The following RYR2 variants were observed in gnomAD, a reference collection of about 807,000 sequenced individuals.
The protein encoded by RYR2 is cardiac muscle ryanodine receptor-calcium release channel.
In RYR2, 227 loss-of-function variants were observed where a neutral mutation model predicts 601.1. That is an observed-to-expected ratio of 0.38 (90% CI 0.34 to 0.42). The LOEUF (loss-of-function observed/expected upper bound fraction) is 0.42. Among genes scored for constraint, RYR2 ranks in the 10% least tolerant of loss-of-function variants. The pLI, the probability that RYR2 is intolerant of heterozygous loss-of-function variation, is 1.00. For missense variants in RYR2, 4,646 were observed against 6,156.5 expected (o/e 0.75, Z 8.21); for synonymous variants, 2,223 against 2,175.1 (o/e 1.02, Z -0.61).
At position 237,548,514 on chromosome 1, in the gene RYR2, AC is replaced by A; in HGVS notation, c.2991del (p.Asp997GlufsTer28). 6.2e-7 allele frequency: 1 copy of A among 1,614,028 alleles called. No individual in the cohort carries two copies. Among genetic ancestry groups the A allele is most frequent in the Non-Finnish European group, 8.5e-7 (1 of 1,179,890 alleles). On this transcript the variant is annotated frameshift_variant, in exon 26 of 105. Coordinates refer to ENST00000366574, the MANE Select transcript of RYR2 (RefSeq NM_001035.3). LOFTEE classifies it high-confidence loss of function. ...KLTPSQEAMV[D>X]KLAENAHNVW... ...ACCCCATCACAAGAAGCAATGGTGGACAAGTTGGCAGAAAATGCACATAATG... is the reference window on the plus strand; with the variant it reads ...ACCCCATCACAAGAAGCAATGGTGGAAAGTTGGCAGAAAATGCACATAATG...
chr1:237,530,683 G>A (rs1296028403), intron 25 of RYR2, among the ~76,000 whole-genome samples, 173 bp downstream of exon 25: 1 of 152,186 alleles, frequency 6.6e-6, no homozygotes, highest in Non-Finnish European at 1.5e-5. Context: ...GCCAAGGCAG[G>A]TGGATCACCT....
chr1:237,631,613 A>AT (rs556269614), intron 42 of RYR2, 72 bp downstream of exon 42: 11,510 of 207,322 alleles, frequency 0.056, 1,992 homozygotes, highest in Admixed American at 0.098. Context: ...TAGAATGCAG[A>AT]TTTTTTTTTT....
At chr1:237,487,453 C>T (rs1408895297) in intron 17 of RYR2, among the ~76,000 whole-genome samples, 2 of 150,726 alleles carry the variant, frequency 1.3e-5, no homozygotes, top group Non-Finnish European at 2.9e-5. Flanking sequence ...TGCTGTGTCT[C>T]GCAACTATAA....
intron 1 of RYR2, among the ~76,000 whole-genome samples, chr1:237,067,936 T>C (rs1302161266): frequency 6.6e-6 from 1 of 152,158 alleles, no homozygotes; most frequent in East Asian, 1.9e-4. Context: ...CTCCATTGCA[T>C]TGTACTATAC....
chr1:237,384,765 G>C (rs1388650548), intron 8 of RYR2, among the ~76,000 whole-genome samples: 1 of 152,116 alleles, frequency 6.6e-6, no homozygotes, highest in Non-Finnish European at 1.5e-5. Context: ...CAACCCATGA[G>C]AAACTCTGCT....
chr1:237,770,915 A>C, intron 85 of RYR2, 28 bp downstream of exon 85: 3 of 1,342,436 alleles, frequency 2.2e-6, no homozygotes, highest in Non-Finnish European at 2.1e-6. Context: ...ACTTCTGATG[A>C]TACTAAGGCA....
intron 1 of RYR2, among the ~76,000 whole-genome samples, chr1:237,230,657 G>A (rs1448833355): frequency 1.3e-5 from 2 of 152,084 alleles, no homozygotes; most frequent in African/African-American, 2.4e-5. Context: ...TGCGGCTCAC[G>A]CCTGTAATCC....
intron 4 of RYR2, among the ~76,000 whole-genome samples, chr1:237,363,513 T>C (rs1699953389): frequency 6.6e-6 from 1 of 152,100 alleles, no homozygotes. Flanking sequence ...TTCTTACAAC[T>C]AGTGTCTCTA....
At chr1:237,740,964 A>G (rs1238397660) in intron 79 of RYR2, among the ~76,000 whole-genome samples, 1 of 152,198 alleles carries the variant, frequency 6.6e-6, no homozygotes, top group Non-Finnish European at 1.5e-5. Context: ...TATTTTTTAA[A>G]TCCTGGCTGA....
intron 61 of RYR2, among the ~76,000 whole-genome samples, chr1:237,679,071 A>G (rs1029358565): frequency 6.6e-6 from 1 of 152,152 alleles, no homozygotes; most frequent in Non-Finnish European, 1.5e-5. Context: ...GTCTGTTCCA[A>G]TCATTTGAAG....
Position 237,674,701 on chromosome 1 carries a change from G to A in RYR2, c.8715-30G>A, listed in dbSNP as rs114806261. On this transcript the variant is annotated intron_variant, in intron 59 of 104. Coordinates refer to ENST00000366574, the MANE Select transcript of RYR2 (RefSeq NM_001035.3). Reference sequence around the variant, plus strand: ...CCTTCTAAGAGGCTTTGTACAAATTGCTTTCCCATTTTCATTTTTGCTCTT... The same window carrying A: ...CCTTCTAAGAGGCTTTGTACAAATTACTTTCCCATTTTCATTTTTGCTCTT... 8.3e-3 allele frequency: 10,602 copies of A among 1,272,372 alleles called. 68 individuals are homozygous for A. Among genetic ancestry groups the A allele is most frequent in the Non-Finnish European group, 0.011 (9,189 of 872,316 alleles). The allele number at this position is 1,272,372 out of a possible 1,614,324, so 78.8% of individuals were successfully genotyped here.
intron 27 of RYR2, among the ~76,000 whole-genome samples, chr1:237,558,313 G>A (rs1671108034): frequency 6.6e-6 from 1 of 152,196 alleles, no homozygotes; most frequent in African/African-American, 2.4e-5. Context: ...TTTTCCTAAG[G>A]AGTAGAAGTT....
intron 1 of RYR2, among the ~76,000 whole-genome samples, chr1:237,202,006 T>C (rs571842079): frequency 1.3e-5 from 2 of 152,320 alleles, no homozygotes; most frequent in South Asian, 2.1e-4. Context: ...TAGATAAATA[T>C]GAGTGCAAGA....
rs1211876753 is a variant in RYR2 at position 237,432,455 on chromosome 1, T to C, written c.1006-8864T>C. Among the ~76,000 whole-genome samples, 8 of 152,170 alleles carry C rather than the reference T, an allele frequency of 5.3e-5. 1 individual carries two copies. The South Asian group carries it at 8.3e-4, about 16-fold the overall frequency. ...GTTGGGAATGGAAAGAAAATTCTTA[T>C]TATCTGGTGAGTCGAAGTGGTATAG... On this transcript the variant is annotated intron_variant, in intron 12 of 104. Transcript: ENST00000366574.
intron 10 of RYR2, among the ~76,000 whole-genome samples, chr1:237,392,394 T>C (rs1702459481): frequency 6.6e-6 from 1 of 151,952 alleles, no homozygotes; most frequent in Non-Finnish European, 1.5e-5. Flanking sequence ...AAGTGATTAT[T>C]ATGCATAGTA....
At chr1:237,325,421 G>A (rs1330083337) in intron 2 of RYR2, among the ~76,000 whole-genome samples, 9 of 152,184 alleles carry the variant, frequency 5.9e-5, no homozygotes, top group Non-Finnish European at 1.0e-4. Context: ...TAGGCCAGGC[G>A]TGGTGGCCTG....
rs2148474350 is a variant in RYR2, at chr1:237,595,499, A to G, written c.4438A>G (p.Ile1480Val). ...GDEKGKVHES[I>V]KRSNCYMVCA... is the part of the protein sequence containing the mutation. ...TAAAAATGTTCTTTTGAAATTCAGCATCAAACGCAGCAACTGCTATATGGT... is the reference window on the plus strand; with the variant it reads ...TAAAAATGTTCTTTTGAAATTCAGCGTCAAACGCAGCAACTGCTATATGGT... Residue 1480 changes from isoleucine (I) to valine (V), a missense_variant and splice_region_variant, in exon 34 of 105, where the codon ATC becomes GTC. Ile to Val is a conservative substitution (Grantham distance 29, BLOSUM62 3). Transcript: ENST00000366574. 4.4e-6 allele frequency: 7 copies of G among 1,605,772 alleles called. No homozygotes were observed. Among genetic ancestry groups the G allele is most frequent in the Non-Finnish European group, 5.9e-6 (7 of 1,177,184 alleles).
At chr1:237,594,886 G>GTTTTTTTTGTTTTTTTTTTTTTTTTT (rs1675642723) in intron 33 of RYR2, among the ~76,000 whole-genome samples, 2 of 60,416 alleles carry the variant, frequency 3.3e-5, no homozygotes, top group Non-Finnish European at 5.2e-5. Context: ...ATATCACTGG[G>GTTTTTTTTGTTTTTTTTTTTTTTTTT]TTTTTTTTTT....
At chr1:237,703,412 TCTTTA>T (rs1344882178) in intron 66 of RYR2, among the ~76,000 whole-genome samples, 1 of 151,618 alleles carries the variant, frequency 6.6e-6, no homozygotes, top group African/African-American at 2.4e-5. Context: ...CATTTGTGTT[TCTTTA>T]CTTTATGAAT....
Sources: gnomAD v4.1 joint callset for allele counts (sites outside exome capture counted in the v4.1 genomes callset) on GRCh38, gnomAD v4.1.1 for gene constraint, MANE v1.5 for transcripts, NCBI Gene and HGNC (gene_info 2026-07-23, HGNC 2026-07-21) for gene names.